Variants in PARP6 observed in about 807,000 individuals in gnomAD.
The protein encoded by PARP6 is poly(ADP-ribose) polymerase family member 6, also known as protein mono-ADP-ribosyltransferase PARP6.
Under a neutral mutation model 92.0 loss-of-function variants are expected in PARP6, and 27 were observed. The ratio of observed to expected loss-of-function variants is 0.29; its 90% CI spans 0.22 to 0.40. The LOEUF (loss-of-function observed/expected upper bound fraction) is 0.40, where lower values mean the gene tolerates loss of function less well. PARP6 is among the 10% of genes least tolerant of loss of function. The pLI is 1.00. For synonymous variants in PARP6, 272 were observed against 281.2 expected (o/e 0.97, Z 0.33); for missense variants, 501 against 784.5 (o/e 0.64, Z 4.32).
At chr15:72,251,501 GA>G (rs34379650) in intron 16 of PARP6, 183,823 of 222,712 alleles carry the variant, frequency 0.83, 76,514 homozygotes, top group Non-Finnish European at 0.9. Context: ...AACAATGGAT[GA>G]AAAAAAAAAA....
chr15:72,244,878 G>C (rs1373468295), intron 20 of PARP6: 3 of 154,258 alleles, frequency 1.9e-5, no homozygotes, highest in Non-Finnish European at 4.3e-5. Flanking sequence ...ACAGGAAAAA[G>C]GGTTTAATGG....
chr15:72,255,559 A>G (rs946515562), intron 14 of PARP6, among the ~76,000 whole-genome samples: 3 of 151,500 alleles, frequency 2.0e-5, no homozygotes, highest in Non-Finnish European at 2.9e-5. Context: ...CGCCCAGCCC[A>G]CTCTCTGATT....
At chr15:72,251,316 C>T in intron 16 of PARP6, 61 bp from the exon 17 acceptor site, 1 of 961,650 alleles carries the variant, frequency 1.0e-6, no homozygotes, top group East Asian at 2.5e-5. Context: ...GCTATCCTTT[C>T]TGAACAAGCC....
chr15:72,252,571 C>T (rs1018526751), intron 16 of PARP6, among the ~76,000 whole-genome samples: 4 of 151,990 alleles, frequency 2.6e-5, no homozygotes, highest in South Asian at 2.1e-4. Context: ...CGGCAACCTC[C>T]GCCTCCCGGG....
At position 72,254,594 on chromosome 15, in the gene PARP6, C is replaced by G. The variant is rs999343210; in HGVS notation, c.1126-74G>C. On this transcript the variant is annotated intron_variant, in intron 14 of 23. Transcript: ENST00000569795. The stretch of plus-strand genomic sequence containing the variant: ...GAAAGTAAGATGTGATGAAAAGGGG[C>G]TAGATGTACCAAAAAAGTCTAGGCC... 2.7e-6 allele frequency: 3 copies of G among 1,121,142 alleles called. No homozygotes were observed. In the African/African-American group the frequency reaches 4.6e-5, roughly 17 times the overall value. The allele number at this position is 1,121,142 out of a possible 1,614,324, so 69.4% of individuals were successfully genotyped here.
intron 11 of PARP6, among the ~76,000 whole-genome samples, chr15:72,258,447 T>C (rs760269625): frequency 1.3e-5 from 2 of 152,218 alleles, no homozygotes; most frequent in Non-Finnish European, 2.9e-5. Flanking sequence ...TAGCACAGCA[T>C]TATTCACCTC....
At chr15:72,269,580 C>T (rs1403103767) in intron 2 of PARP6, among the ~76,000 whole-genome samples, 1 of 152,090 alleles carries the variant, frequency 6.6e-6, no homozygotes, top group East Asian at 1.9e-4. Flanking sequence ...AATTCTCAGA[C>T]TCCTCCTAAG....
chr15:72,266,948 G>GAT, intron 3 of PARP6, 126 bp from the exon 4 acceptor site: 1 of 739,056 alleles, frequency 1.4e-6, no homozygotes, highest in Admixed American at 2.0e-5. Context: ...CTGAAGCCCT[G>GAT]ATCCCTTTAC....
At chr15:72,264,648 T>G in intron 7 of PARP6, 27 bp from the exon 8 acceptor site, 1 of 1,577,750 alleles carries the variant, frequency 6.3e-7, no homozygotes, top group Non-Finnish European at 8.7e-7. Context: ...AGGCTACTAG[T>G]AAGTACATAT....
intron 9 of PARP6, 23 bp from the exon 10 acceptor site, chr15:72,260,711 A>C: frequency 6.3e-7 from 1 of 1,578,674 alleles, no homozygotes; most frequent in Non-Finnish European, 8.7e-7. Flanking sequence ...AGCAAAGAGA[A>C]GTGATAAAAC....
At chr15:72,271,463 T>C (rs906297846) in intron 1 of PARP6, among the ~76,000 whole-genome samples, 176 bp from the exon 2 acceptor site, 25 of 152,152 alleles carry the variant, frequency 1.6e-4, no homozygotes, top group African/African-American at 6.0e-4. Flanking sequence ...GGTGAAGAGT[T>C]GGAAAAGGAA....
rs990246350 is a variant in PARP6 at position 72,259,291 on chromosome 15, T to C, written c.810+317A>G. ...GTCTGTGAAGAATACTAAAGATCAT[T>C]TGAGCAAGGGCTATTGGGAATCATT... On this transcript the variant is annotated intron_variant, in intron 11 of 23. Transcript: ENST00000569795. Among the ~76,000 whole-genome samples the C allele has an allele frequency of 2.6e-5, 4 of 152,200 alleles. No homozygotes were observed. The East Asian group carries it at 7.7e-4, about 29-fold the overall frequency.
In PARP6 at chr15:72,259,651, TGAC is replaced by T. The variant is rs764949983; in HGVS notation, c.764_766del (p.Gly255_His256delinsAsp). 1 of 1,614,072 alleles carries T rather than the reference TGAC, an allele frequency of 6.2e-7. No homozygotes were observed. The highest frequency in any genetic ancestry group is 8.5e-7 in the Non-Finnish European group (1 of 1,179,922). Reference sequence around the variant, plus strand: ...CTCCAGAGTGGGAATGTTCTTGCAGTGACCACTGACCTGGTGAGAGTAAAAAGA... The same window carrying T: ...CTCCAGAGTGGGAATGTTCTTGCAGTCACTGACCTGGTGAGAGTAAAAAGA... On this transcript the variant is annotated inframe_deletion, in exon 11 of 24. Coordinates refer to ENST00000569795, the MANE Select transcript of PARP6 (RefSeq NM_001323532.2).
intron 14 of PARP6, among the ~76,000 whole-genome samples, chr15:72,255,217 G>A (rs1274629108): frequency 2.6e-5 from 4 of 152,088 alleles, no homozygotes; most frequent in Non-Finnish European, 4.4e-5. Flanking sequence ...AAGCCTTCAG[G>A]CTTTCAGACT....
intron 2 of PARP6, among the ~76,000 whole-genome samples, chr15:72,270,745 A>G (rs2087302646): frequency 6.6e-6 from 1 of 152,182 alleles, no homozygotes; most frequent in Non-Finnish European, 1.5e-5. Flanking sequence ...ACACCCACAC[A>G]CTAGCACTCT....
chr15:72,246,559 G>C (rs2083627151), intron 20 of PARP6, among the ~76,000 whole-genome samples: 1 of 152,082 alleles, frequency 6.6e-6, no homozygotes, highest in Non-Finnish European at 1.5e-5. Context: ...CCTCCCTTTG[G>C]AGGTAATCAC....
rs541395301 is a variant in PARP6, at chr15:72,261,879, C to T, written c.396-172G>A. On this transcript the variant is annotated intron_variant, in intron 8 of 23. Transcript: ENST00000569795. The stretch of plus-strand genomic sequence containing the variant: ...TGACCTTAGTAAATAAAAAAATCAC[C>T]ATCCCAGAGCACCCCTTCACCCTAG... Among the ~76,000 whole-genome samples the T allele has an allele frequency of 1.1e-3, 165 of 152,202 alleles. 1 individual carries two copies. Among genetic ancestry groups the T allele is most frequent in the Non-Finnish European group, 2.0e-3 (133 of 68,004 alleles).
intron 13 of PARP6, 100 bp downstream of exon 13, chr15:72,257,248 T>C (rs2085264366): frequency 2.3e-6 from 2 of 867,510 alleles, no homozygotes; most frequent in Non-Finnish European, 3.9e-6. Context: ...TTATCTTATA[T>C]ACAAAAGCAT....
At chr15:72,265,588 C>T (rs888839310) in intron 5 of PARP6, 115 bp from the exon 6 acceptor site, 113 of 810,830 alleles carry the variant, frequency 1.4e-4, no homozygotes, top group Non-Finnish European at 2.2e-4. Context: ...GAGTGGATGA[C>T]AGTTTTGTAC....
Sources: allele counts gnomAD v4.1 joint callset (sites outside exome capture counted in the v4.1 genomes callset), GRCh38; gene constraint gnomAD v4.1.1; transcripts MANE v1.5; gene names NCBI Gene and HGNC (gene_info 2026-07-23, HGNC 2026-07-21).